The following TMEM140 variants were observed in gnomAD, a reference collection of about 807,000 sequenced individuals.
TMEM140 encodes the protein transmembrane protein 140.
For missense variants in TMEM140, 236 were observed against 228.5 expected, an observed-to-expected ratio of 1.03 and a Z score of -0.21; for synonymous variants, 107 against 106.8, an observed-to-expected ratio of 1.00 and a Z score of -0.01.
intron 1 of TMEM140, 39 bp downstream of exon 1, chr7:135,148,309 C>T (rs771493129): frequency 1.2e-5 from 4 of 344,708 alleles, no homozygotes; most frequent in South Asian, 2.3e-5. Flanking sequence ...CTTACCCAGA[C>T]GTCTACTACC....
rs988173813 is a variant in TMEM140, at chr7:135,166,021, T to C, written c.*1022T>C. ...AGGTAGCAGCTTGCGGGAGGAGGCC[T>C]GTCTGGCTTACCAGTCTATACACTG... On this transcript the variant is annotated 3_prime_UTR_variant, in exon 2 of 2. Transcript: ENST00000275767. 1 of 153,088 alleles carries C rather than the reference T, an allele frequency of 6.5e-6. No homozygotes were observed. The highest frequency in any genetic ancestry group is 2.4e-5 in the African/African-American group (1 of 41,380). 9.5% of individuals were successfully genotyped at this position (153,088 alleles called of 1,614,324 possible). A position where few individuals can be genotyped will look rare whatever the true frequency, so the allele number is the denominator to read the frequency against.
At chr7:135,154,483 G>A (rs1585346530) in intron 1 of TMEM140, among the ~76,000 whole-genome samples, 1 of 152,194 alleles carries the variant, frequency 6.6e-6, no homozygotes, top group African/African-American at 2.4e-5. Flanking sequence ...TTTTGATGTA[G>A]GCATTTAATG....
In TMEM140 at chr7:135,164,845, TCTC is replaced by T. The variant is rs1312766642; in HGVS notation, c.407_409del (p.Ser136del). On this transcript the variant is annotated inframe_deletion, in exon 2 of 2. Transcript: ENST00000275767. ...CTGGCAGGCGGCCTGGGCCTCTTCC[TCTC>T]CTATGTGTGGAAGTGGGTCAGGCTC... 3.1e-6 allele frequency: 5 copies of T among 1,613,822 alleles called. No individual in the cohort carries two copies. The highest frequency in any genetic ancestry group is 2.2e-5 in the East Asian group (1 of 44,882).
Position 135,161,812 on chromosome 7 carries a change from C to G in TMEM140, c.-24-2606C>G, listed in dbSNP as rs1026380444. Among the ~76,000 whole-genome samples the G allele has an allele frequency of 8.5e-5, 13 of 152,264 alleles. No individual in the cohort carries two copies. Among genetic ancestry groups the G allele is most frequent in the African/African-American group, 3.1e-4 (13 of 41,466 alleles). ...GTGCCACCCAAGGCAGCAGCCAGGG[C>G]TTCTGCTGGGACAGCCCCTCACTCC... On this transcript the variant is annotated intron_variant, in intron 1 of 1. Coordinates refer to ENST00000275767, the MANE Select transcript of TMEM140 (RefSeq NM_018295.5). The surrounding 1 kb of genome is among the most constrained non-coding windows in gnomAD (Gnocchi z 4.1).
At chr7:135,155,006 TG>T in intron 1 of TMEM140, among the ~76,000 whole-genome samples, 1 of 152,324 alleles carries the variant, frequency 6.6e-6, no homozygotes, top group South Asian at 2.1e-4. Context: ...TTTGTTAATC[TG>T]GGTGCTTCAA....
At position 135,164,734 on chromosome 7, in the gene TMEM140, C is replaced by G. The variant is rs771090349; in HGVS notation, c.293C>G (p.Pro98Arg). 6 of 1,614,126 alleles carry G rather than the reference C, an allele frequency of 3.7e-6. No homozygotes were observed. The Admixed American group carries it at 8.3e-5, about 22-fold the overall frequency. Residue 98 changes from proline (P) to arginine (R), a missense_variant, in exon 2 of 2, where the codon CCC (proline) becomes CGC (arginine). By Grantham distance (103) the Pro-to-Arg change is moderately radical. Coordinates refer to ENST00000275767, the MANE Select transcript of TMEM140 (RefSeq NM_018295.5). The part of the protein sequence containing the change: ...YGSLVLTLFA[P>R]QPLLLAQCNS... The stretch of plus-strand genomic sequence containing the variant: ...TCCCTGGTCCTCACCCTCTTTGCCC[C>G]CCAGCCTCTCCTCCTAGCCCAGTGC...
At chr7:135,153,324 C>T (rs1232784606) in intron 1 of TMEM140, among the ~76,000 whole-genome samples, 2 of 151,780 alleles carry the variant, frequency 1.3e-5, no homozygotes, top group East Asian at 3.9e-4. Flanking sequence ...CATGGTGTCA[C>T]GCACCTGTAG....
chr7:135,165,050 C>T lies in TMEM140; in HGVS notation c.*51C>T. 1 of 1,508,058 alleles carries T rather than the reference C, an allele frequency of 6.6e-7. No individual in the cohort carries two copies. The highest frequency in any genetic ancestry group is 2.2e-5 in the Admixed American group (1 of 46,292). 93.4% of individuals were successfully genotyped at this position (1,508,058 alleles called of 1,614,324 possible). A position where few individuals can be genotyped will look rare whatever the true frequency, so the allele number is the denominator to read the frequency against. On this transcript the variant is annotated 3_prime_UTR_variant, in exon 2 of 2. Transcript: ENST00000275767. Reference sequence around the variant, plus strand: ...GTTCCAACCATGGTCAGAGGTGGCACATCTGCTCAGCCATCTCATTTTACA... The same window carrying T: ...GTTCCAACCATGGTCAGAGGTGGCATATCTGCTCAGCCATCTCATTTTACA...
In TMEM140 at chr7:135,165,260, A is replaced by C; in HGVS notation, c.*261A>C. ...CCTAAACCATGCAGCTCATTGTCAC[A>C]CCAATTCCTGCTTTAATTAATGGAT... On this transcript the variant is annotated 3_prime_UTR_variant, in exon 2 of 2. Transcript: ENST00000275767. 2.5e-6 allele frequency: 1 copy of C among 402,334 alleles called. No homozygotes were observed. The highest frequency in any genetic ancestry group is 4.6e-6 in the Non-Finnish European group (1 of 215,788). 24.9% of individuals were successfully genotyped at this position (402,334 alleles called of 1,614,324 possible).
In TMEM140 at chr7:135,161,591, T is replaced by C. The variant is rs1829939913; in HGVS notation, c.-24-2827T>C. On this transcript the variant is annotated intron_variant, in intron 1 of 1. Transcript: ENST00000275767. The surrounding 1 kb of genome is among the most constrained non-coding windows in gnomAD (Gnocchi z 4.1). The stretch of plus-strand genomic sequence containing the variant: ...ACTAAATAAGCAAAACCATACAAAA[T>C]ATGTTCCCGTCGGCAATTTTTCCCA... Among the ~76,000 whole-genome samples the C allele has an allele frequency of 6.6e-6, 1 of 152,154 alleles. No individual in the cohort carries two copies. Among genetic ancestry groups the C allele is most frequent in the African/African-American group, 2.4e-5 (1 of 41,440 alleles).
At chr7:135,156,559 G>T (rs1829798965) in intron 1 of TMEM140, among the ~76,000 whole-genome samples, 1 of 151,748 alleles carries the variant, frequency 6.6e-6, no homozygotes, top group African/African-American at 2.4e-5. Flanking sequence ...ATTTCTGCTT[G>T]TTTTTATTTA....
intron 1 of TMEM140, among the ~76,000 whole-genome samples, chr7:135,153,744 A>G (rs1829720417): frequency 6.6e-6 from 1 of 152,124 alleles, no homozygotes; most frequent in Non-Finnish European, 1.5e-5. Context: ...TTGATTTACT[A>G]GTATTTTGTT....
Position 135,165,871 on chromosome 7 carries a change from C to T in TMEM140, c.*872C>T, listed in dbSNP as rs1331758243. 1.8e-5 allele frequency: 3 copies of T among 167,114 alleles called. No individual in the cohort carries two copies. In the Admixed American group the frequency reaches 2.0e-4, roughly 11 times the overall value. 10.4% of individuals were successfully genotyped at this position (167,114 alleles called of 1,614,324 possible). On this transcript the variant is annotated 3_prime_UTR_variant, in exon 2 of 2. Coordinates refer to ENST00000275767, the MANE Select transcript of TMEM140 (RefSeq NM_018295.5). ...TTATTCATATATTCCTGTCCAAAGC[C>T]ACACTGAAAACAGAGGCAGAGACAT...
At chr7:135,163,384 G>A (rs1418799858) in intron 1 of TMEM140, among the ~76,000 whole-genome samples, 17 of 152,162 alleles carry the variant, frequency 1.1e-4, no homozygotes, top group Admixed American at 9.8e-4. Context: ...GCTCATGCCT[G>A]TAATCCCAGC....
rs190331994 is a variant in TMEM140 at position 135,165,035 on chromosome 7, T to C, written c.*36T>C. 1.6e-5 allele frequency: 24 copies of C among 1,526,146 alleles called. No individual in the cohort carries two copies. The highest frequency in any genetic ancestry group is 1.4e-4 in the East Asian group (6 of 43,976). The allele number at this position is 1,526,146 out of a possible 1,614,324, so 94.5% of individuals were successfully genotyped here. On this transcript the variant is annotated 3_prime_UTR_variant, in exon 2 of 2. Transcript: ENST00000275767. ...GATTGCAAGGGTTCAGTTCCAACCA[T>C]GGTCAGAGGTGGCACATCTGCTCAG...
At chr7:135,158,126 C>A (rs3778772) in intron 1 of TMEM140, among the ~76,000 whole-genome samples, 73,420 of 151,936 alleles carry the variant, frequency 0.48, 18,039 homozygotes, top group South Asian at 0.65. Flanking sequence ...TGGGGCACAG[C>A]CCAGCATTAA....
In TMEM140 at chr7:135,148,129, A is replaced by C. The variant is rs113262738; in HGVS notation, c.-166A>C. 2.2e-6 allele frequency: 1 copy of C among 454,090 alleles called. No homozygotes were observed. Among genetic ancestry groups the C allele is most frequent in the African/African-American group, 2.0e-5 (1 of 49,890 alleles). The allele number at this position is 454,090 out of a possible 1,614,324, so 28.1% of individuals were successfully genotyped here. The stretch of plus-strand genomic sequence containing the variant: ...CAAGGGGGCACCAGCTCAGGACTGC[A>C]TCTGCCTGCCATTTCCCTTCCACTC... On this transcript the variant is annotated 5_prime_UTR_variant, in exon 1 of 2. Transcript: ENST00000275767.
Position 135,164,413 on chromosome 7 carries a change from C to A in TMEM140, c.-24-5C>A. 6.3e-7 allele frequency: 1 copy of A among 1,578,878 alleles called. No individual in the cohort carries two copies. On this transcript the variant is annotated splice_region_variant and splice_polypyrimidine_tract_variant and intron_variant, in intron 1 of 1. Transcript: ENST00000275767. ...GATGGACTGACTGCTGTGACTTCCC[C>A]GCAGGTCCCCCGGCAGAGGGCAGTA...
At chr7:135,159,075 T>C (rs1238131452) in intron 1 of TMEM140, among the ~76,000 whole-genome samples, 2 of 152,242 alleles carry the variant, frequency 1.3e-5, no homozygotes, top group African/African-American at 4.8e-5. Context: ...TCTCTTACTG[T>C]TTCCCCACAT....
Sources: allele counts gnomAD v4.1 joint callset (sites outside exome capture counted in the v4.1 genomes callset), GRCh38; gene constraint gnomAD v4.1.1; non-coding constraint Gnocchi (gnomAD v3.1); transcripts MANE v1.5; gene names NCBI Gene and HGNC (gene_info 2026-07-23, HGNC 2026-07-21).